PRUNE2: variants seen among roughly 807,000 people sequenced by gnomAD.
The protein encoded by PRUNE2 is prune homolog 2 with BCH domain.
In PRUNE2, 164 loss-of-function variants were observed where a neutral mutation model predicts 252.0. That is an observed-to-expected ratio of 0.65 (90% confidence interval 0.57 to 0.74). PRUNE2 has a LOEUF of 0.74. PRUNE2 is among the 30% of genes least tolerant of loss of function. PRUNE2 has a pLI of 0.00. For missense variants in PRUNE2, 3,495 were observed against 3,711.0 expected, an observed-to-expected ratio of 0.94 and a Z score of 1.51; for synonymous variants, 1,292 against 1,350.2, an observed-to-expected ratio of 0.96 and a Z score of 0.94.
chr9:76,713,782 C>T, intron 6 of PRUNE2, 61 bp from the exon 7 acceptor site: 1 of 1,257,798 alleles, frequency 8.0e-7, no homozygotes, highest in Non-Finnish European at 1.1e-6. Context: ...GGGAGTTGTT[C>T]CACAAATTTG....
intron 9 of PRUNE2, among the ~76,000 whole-genome samples, chr9:76,657,596 G>A (rs1029332370): frequency 6.6e-5 from 10 of 152,104 alleles, no homozygotes; most frequent in Admixed American, 5.9e-4. Flanking sequence ...AAGATTAGTT[G>A]GCCATTTCTG....
At chr9:76,799,287 G>A (rs1273926101) in intron 6 of PRUNE2, among the ~76,000 whole-genome samples, 1 of 150,046 alleles carries the variant, frequency 6.7e-6, no homozygotes, top group Non-Finnish European at 1.5e-5. Flanking sequence ...GTTGCAGTGG[G>A]CCAAAATGGC....
At chr9:76,822,745 T>G (rs1452809120) in intron 6 of PRUNE2, among the ~76,000 whole-genome samples, 1 of 151,962 alleles carries the variant, frequency 6.6e-6, no homozygotes, top group African/African-American at 2.4e-5. Context: ...AGGTGGAGGT[T>G]GCAGTGAGCT....
intron 6 of PRUNE2, among the ~76,000 whole-genome samples, chr9:76,718,844 T>C (rs1202459078): frequency 6.6e-6 from 1 of 152,118 alleles, no homozygotes; most frequent in Non-Finnish European, 1.5e-5. Context: ...GTCTGTCCTA[T>C]TAAATGGCAC....
At chr9:76,659,588 C>G (rs1310551461) in intron 9 of PRUNE2, among the ~76,000 whole-genome samples, 2 of 152,128 alleles carry the variant, frequency 1.3e-5, no homozygotes, top group African/African-American at 2.4e-5. Flanking sequence ...TATCCCTTAT[C>G]CAAAATGCTT....
chr9:76,688,746 C>G (rs2044386699), intron 9 of PRUNE2, among the ~76,000 whole-genome samples: 1 of 152,156 alleles, frequency 6.6e-6, no homozygotes, highest in African/African-American at 2.4e-5. Context: ...CTTTCCATTG[C>G]TGACAAAAAA....
chr9:76,797,282 A>T (rs2056181458), intron 6 of PRUNE2, among the ~76,000 whole-genome samples: 1 of 152,256 alleles, frequency 6.6e-6, no homozygotes, highest in East Asian at 1.9e-4. Flanking sequence ...ATAAATATAT[A>T]AAAATGCACA....
At chr9:76,766,458 A>G (rs1351290727) in intron 6 of PRUNE2, among the ~76,000 whole-genome samples, 1 of 152,122 alleles carries the variant, frequency 6.6e-6, no homozygotes, top group African/African-American at 2.4e-5. Flanking sequence ...CCTTATTTAA[A>G]ATAAAACACA....
intron 1 of PRUNE2, among the ~76,000 whole-genome samples, chr9:76,898,462 C>T (rs985142888): frequency 3.3e-5 from 5 of 152,118 alleles, no homozygotes; most frequent in Non-Finnish European, 7.3e-5. Flanking sequence ...TCCATTACTA[C>T]AAAAAGCTAA....
At chr9:76,851,727 C>G (rs1020754118) in intron 2 of PRUNE2, among the ~76,000 whole-genome samples, 14 of 152,254 alleles carry the variant, frequency 9.2e-5, no homozygotes, top group East Asian at 7.7e-4. Flanking sequence ...ATCGTGATCT[C>G]TATTGATTTC....
chr9:76,644,335 G>A (rs937391974), intron 12 of PRUNE2, among the ~76,000 whole-genome samples: 1 of 152,092 alleles, frequency 6.6e-6, no homozygotes, highest in Non-Finnish European at 1.5e-5. Context: ...GGATTCAAAA[G>A]GCCATTTTGT....
chr9:76,685,672 C>A (rs140780553), intron 9 of PRUNE2, among the ~76,000 whole-genome samples: 1 of 152,116 alleles, frequency 6.6e-6, no homozygotes, highest in Admixed American at 6.6e-5. Flanking sequence ...GAGAGAGAGG[C>A]CTCAGAAGAA....
At chr9:76,697,640 G>A (rs10869797) in intron 9 of PRUNE2, among the ~76,000 whole-genome samples, 38,476 of 152,144 alleles carry the variant, frequency 0.25, 6,150 homozygotes, top group East Asian at 0.57. Context: ...GGGAGAACAG[G>A]AATGAAAACA....
chr9:76,769,199 C>A (rs941759115), intron 6 of PRUNE2, among the ~76,000 whole-genome samples: 1 of 152,216 alleles, frequency 6.6e-6, no homozygotes, highest in Non-Finnish European at 1.5e-5. Flanking sequence ...CTCTTCAGAT[C>A]GTATAAATCT....
chr9:76,792,266 C>T (rs745797207), intron 6 of PRUNE2, among the ~76,000 whole-genome samples: 3 of 152,114 alleles, frequency 2.0e-5, no homozygotes, highest in Admixed American at 6.6e-5. Context: ...CTGCACATGC[C>T]CTCTTGCCTG....
chr9:76,760,455 T>G (rs670879), intron 6 of PRUNE2, among the ~76,000 whole-genome samples: 84,114 of 151,954 alleles, frequency 0.55, 24,329 homozygotes, highest in African/African-American at 0.71. Flanking sequence ...CTAATCTACT[T>G]TTTCCCTTCT....
In PRUNE2 at chr9:76,611,736, T is replaced by C. The variant is rs1587542736; in HGVS notation, c.*2834A>G. The C allele has an allele frequency of 2.0e-5, 3 of 152,598 alleles. No individual in the cohort carries two copies. Among genetic ancestry groups the C allele is most frequent in the Admixed American group, 6.6e-5 (1 of 15,266 alleles). 9.5% of individuals were successfully genotyped at this position (152,598 alleles called of 1,614,324 possible). A position where few individuals can be genotyped will look rare whatever the true frequency, so the allele number is the denominator to read the frequency against. ...TCTTAGAGAGTAACCCCATAGAACA[T>C]TGTATGGCTTCAACAGAAACTTCAG... is the stretch of plus-strand genomic sequence containing the variant. On this transcript the variant is annotated 3_prime_UTR_variant, in exon 19 of 19. Transcript: ENST00000376718.
At chr9:76,650,856 G>C (rs1847101596) in intron 11 of PRUNE2, among the ~76,000 whole-genome samples, 1 of 152,198 alleles carries the variant, frequency 6.6e-6, no homozygotes, top group Non-Finnish European at 1.5e-5. Context: ...AAAAGGTTCA[G>C]ATGTGGTGTG....
intron 6 of PRUNE2, among the ~76,000 whole-genome samples, chr9:76,717,028 A>G (rs17181025): frequency 0.018 from 2,774 of 152,286 alleles, 45 homozygotes; most frequent in East Asian, 0.086. Context: ...TATTTTCATC[A>G]TGTCCCTCAA....
Sources: allele counts gnomAD v4.1 joint callset (sites outside exome capture counted in the v4.1 genomes callset), GRCh38; gene constraint gnomAD v4.1.1; transcripts MANE v1.5; gene names NCBI Gene and HGNC (gene_info 2026-07-23, HGNC 2026-07-21).